The following AGBL4 variants were observed in gnomAD, a reference collection of about 807,000 sequenced individuals.
The protein encoded by AGBL4 is AGBL carboxypeptidase 4, also known as cytosolic carboxypeptidase 6.
In AGBL4, 58 loss-of-function variants were observed where a neutral mutation model predicts 66.4. That is an observed-to-expected ratio of 0.87 (90% CI 0.71 to 1.09). The LOEUF (loss-of-function observed/expected upper bound fraction) is 1.09, where lower values mean the gene tolerates loss of function less well. Among genes scored for constraint, AGBL4 ranks in the 50% least tolerant of loss-of-function variants. AGBL4 has a pLI of 0.00. For missense variants in AGBL4, 579 were observed against 631.0 expected, an observed-to-expected ratio of 0.92 and a Z score of 0.88; for synonymous variants, 234 against 222.9, an observed-to-expected ratio of 1.05 and a Z score of -0.44.
rs559926560 is a variant in AGBL4 at position 49,290,995 on chromosome 1, G to A, written c.283-45131C>T. On this transcript the variant is annotated intron_variant, in intron 3 of 13. Coordinates refer to ENST00000371839, the MANE Select transcript of AGBL4 (RefSeq NM_032785.4). Reference sequence around the variant, plus strand: ...TGCACTCCAGAATGGGCAACAGAGCGAGGAAAAAAATAGTATTACAGGACA... The same window carrying A: ...TGCACTCCAGAATGGGCAACAGAGCAAGGAAAAAAATAGTATTACAGGACA... 7.2e-5 allele frequency among the ~76,000 whole-genome samples: 11 copies of A among 152,160 alleles called. No individual in the cohort carries two copies. The South Asian group carries it at 1.7e-3, about 23-fold the overall frequency.
intron 6 of AGBL4, among the ~76,000 whole-genome samples, chr1:48,711,405 C>A (rs1434844005): frequency 1.3e-5 from 2 of 152,136 alleles, no homozygotes; most frequent in African/African-American, 4.8e-5. Flanking sequence ...TGGGTCCCAG[C>A]ATTCCTTGTC....
chr1:48,597,756 A>G (rs1177634089), intron 9 of AGBL4, among the ~76,000 whole-genome samples: 1 of 149,598 alleles, frequency 6.7e-6, no homozygotes, highest in East Asian at 2.0e-4. Flanking sequence ...ACAGAAAAGG[A>G]AAGAAAGAAA....
At chr1:49,656,806 A>T (rs545398549) in intron 3 of AGBL4, among the ~76,000 whole-genome samples, 1 of 152,284 alleles carries the variant, frequency 6.6e-6, no homozygotes, top group Admixed American at 6.5e-5. Flanking sequence ...AAATTCAACA[A>T]CTTTTCATGC....
In AGBL4 at chr1:48,776,591, C is replaced by T. The variant is rs1359386287; in HGVS notation, c.634+90600G>A. ...CCGCCCGGGTCCCACCGTCCCTCCC[C>T]GCCCGCTTGCTCACCTGCCAGCGCC... On this transcript the variant is annotated intron_variant, in intron 6 of 13. Coordinates refer to ENST00000371839, the MANE Select transcript of AGBL4 (RefSeq NM_032785.4). 2.1e-6 allele frequency: 3 copies of T among 1,418,732 alleles called. No individual in the cohort carries two copies. In the African/African-American group the frequency reaches 4.6e-5, roughly 22 times the overall value. The allele number at this position is 1,418,732 out of a possible 1,614,324, so 87.9% of individuals were successfully genotyped here.
intron 2 of AGBL4, among the ~76,000 whole-genome samples, chr1:49,730,767 C>G (rs1256952547): frequency 6.6e-6 from 1 of 152,166 alleles, no homozygotes; most frequent in African/African-American, 2.4e-5. Flanking sequence ...GGAGAGCAAA[C>G]CCGGTAGGCT....
intron 3 of AGBL4, chr1:49,423,280 T>A (rs1264245143): frequency 1.3e-5 from 2 of 152,226 alleles, no homozygotes; most frequent in African/African-American, 4.8e-5. Flanking sequence ...AGGGTTTGTC[T>A]TTTTTATTCA....
At chr1:49,106,003 C>G (rs1190267453) in intron 4 of AGBL4, among the ~76,000 whole-genome samples, 1 of 152,164 alleles carries the variant, frequency 6.6e-6, no homozygotes, top group Non-Finnish European at 1.5e-5. Flanking sequence ...AATATCATTT[C>G]TTAAGTGAGA....
chr1:49,735,290 T>TGTGGGG (rs1649776612), intron 2 of AGBL4, among the ~76,000 whole-genome samples: 1 of 111,508 alleles, frequency 9.0e-6, no homozygotes, highest in African/African-American at 4.8e-5. Context: ...GAGGTAGAGG[T>TGTGGGG]GTGTGGGTGT....
intron 4 of AGBL4, among the ~76,000 whole-genome samples, chr1:49,196,379 G>A (rs1647255860): frequency 6.6e-6 from 1 of 151,986 alleles, no homozygotes; most frequent in South Asian, 2.1e-4. Context: ...GAATATATCT[G>A]TCTCCTTGGT....
intron 3 of AGBL4, among the ~76,000 whole-genome samples, chr1:49,617,149 T>C (rs1029411039): frequency 3.3e-5 from 5 of 152,128 alleles, no homozygotes; most frequent in African/African-American, 1.2e-4. Flanking sequence ...TCATCTTCCA[T>C]TAATATTTCC....
At chr1:48,749,943 G>C (rs1651410976) in intron 6 of AGBL4, among the ~76,000 whole-genome samples, 1 of 152,200 alleles carries the variant, frequency 6.6e-6, no homozygotes, top group African/African-American at 2.4e-5. Context: ...GGGAATAAGT[G>C]GGGTGGGCAG....
intron 4 of AGBL4, among the ~76,000 whole-genome samples, chr1:49,182,587 A>C (rs898000628): frequency 9.2e-5 from 14 of 152,250 alleles, no homozygotes; most frequent in Non-Finnish European, 1.5e-4. Flanking sequence ...TAGTGGATGC[A>C]AAAGTGATTT....
At chr1:48,913,674 A>T (rs1653343867) in intron 5 of AGBL4, among the ~76,000 whole-genome samples, 1 of 152,172 alleles carries the variant, frequency 6.6e-6, no homozygotes, top group African/African-American at 2.4e-5. Context: ...GCTCCCACTA[A>T]TTATTATGGT....
intron 2 of AGBL4, among the ~76,000 whole-genome samples, chr1:49,774,503 G>A (rs926547004): frequency 6.6e-5 from 10 of 152,326 alleles, no homozygotes; most frequent in African/African-American, 2.2e-4. Context: ...GGAGGGGGAT[G>A]AGAGCCAGGC....
In AGBL4 at chr1:49,325,613, C is replaced by T. The variant is rs141413685; in HGVS notation, c.283-79749G>A. Among the ~76,000 whole-genome samples the T allele has an allele frequency of 1.4e-3, 215 of 152,216 alleles. 1 individual carries two copies. Among genetic ancestry groups the T allele is most frequent in the South Asian group, 5.0e-3 (24 of 4,814 alleles). ...GAATTTATGAAGGACATTTAATAAC[C>T]GATTCAAGAAACCATATGTTGAAAG... is the stretch of plus-strand genomic sequence containing the variant. On this transcript the variant is annotated intron_variant, in intron 3 of 13. Coordinates refer to ENST00000371839, the MANE Select transcript of AGBL4 (RefSeq NM_032785.4).
At chr1:49,447,277 C>T (rs941889871) in intron 3 of AGBL4, among the ~76,000 whole-genome samples, 1 of 152,136 alleles carries the variant, frequency 6.6e-6, no homozygotes, top group Non-Finnish European at 1.5e-5. Context: ...AAAGTGCATA[C>T]TTTGGTTTCC....
intron 2 of AGBL4, among the ~76,000 whole-genome samples, chr1:49,778,870 G>A (rs891894292): frequency 1.3e-5 from 2 of 152,080 alleles, no homozygotes; most frequent in African/African-American, 4.8e-5. Context: ...TACTATTTGG[G>A]TTATGGTTAT....
chr1:49,258,022 C>T (rs1196819153), intron 3 of AGBL4, among the ~76,000 whole-genome samples: 3 of 152,188 alleles, frequency 2.0e-5, no homozygotes, highest in Non-Finnish European at 4.4e-5. Flanking sequence ...CACGGTTCTG[C>T]AGACCCCGCT....
intron 6 of AGBL4, among the ~76,000 whole-genome samples, chr1:48,838,606 T>G (rs1394960892): frequency 1.3e-5 from 2 of 152,076 alleles, no homozygotes; most frequent in Non-Finnish European, 2.9e-5. Context: ...GTTGGGAAAA[T>G]GCTTTAGGAC....
Sources: allele counts gnomAD v4.1 joint callset (sites outside exome capture counted in the v4.1 genomes callset), GRCh38; gene constraint gnomAD v4.1.1; transcripts MANE v1.5; gene names NCBI Gene and HGNC (gene_info 2026-07-23, HGNC 2026-07-21).